Variants in REXO4 observed in about 807,000 individuals in gnomAD.
REXO4 encodes RNA exonuclease 4, also known as REX4 homolog, 3'-5' exonuclease.
Under a neutral mutation model 39.9 loss-of-function variants are expected in REXO4, and 29 were observed. The ratio of observed to expected loss-of-function variants is 0.73; its 90% CI spans 0.54 to 0.99. REXO4 has a LOEUF of 0.99. REXO4 is among the 50% of genes least tolerant of loss of function. The probability of loss-of-function intolerance (pLI) is 0.00; values close to 1 mark genes in which losing one functional copy is unlikely to be tolerated. For missense variants in REXO4, 524 were observed against 546.5 expected (o/e 0.96, Z 0.41); for synonymous variants, 184 against 206.2 (o/e 0.89, Z 0.92).
At position 133,412,773 on chromosome 9, in the gene REXO4, C is replaced by T. The variant is rs189210390; in HGVS notation, c.716+5G>A. ...AGCAGACCCCACTCCCTGAGACCAG[C>T]GTACCCGCCGAAGGCCTGCTCTTTC... On this transcript the variant is annotated splice_donor_5th_base_variant and intron_variant, in intron 3 of 7. Coordinates refer to ENST00000371942, the MANE Select transcript of REXO4 (RefSeq NM_020385.4). The T allele has an allele frequency of 1.7e-4, 273 of 1,609,992 alleles. No homozygotes were observed. In the African/African-American group the frequency reaches 2.8e-3, roughly 16 times the overall value.
intron 4 of REXO4, among the ~76,000 whole-genome samples, chr9:133,411,964 G>A (rs587714946): frequency 2.5e-4 from 38 of 152,096 alleles, no homozygotes; most frequent in South Asian, 1.0e-3. Context: ...ATGAGGTCTC[G>A]CTATGTTGTC....
Position 133,417,604 on chromosome 9 carries a change from C to A in REXO4, c.225+16G>T. The A allele has an allele frequency of 6.2e-7, 1 of 1,610,830 alleles. No individual in the cohort carries two copies. On this transcript the variant is annotated intron_variant, in intron 1 of 7. Transcript: ENST00000371942. ...TGAGCTGCGCAGCGCTCCGCCCGGG[C>A]CCCCTCAAGCCTCACCTCTTGCAGC...
intron 6 of REXO4, among the ~76,000 whole-genome samples, chr9:133,408,112 G>A (rs974034351): frequency 2.0e-5 from 3 of 152,118 alleles, no homozygotes; most frequent in Non-Finnish European, 4.4e-5. Context: ...GCCAGGGGAG[G>A]AGTCAGCATC....
At chr9:133,407,232 C>T (rs372227942) in intron 7 of REXO4, among the ~76,000 whole-genome samples, 160 bp from the exon 8 acceptor site, 1 of 152,128 alleles carries the variant, frequency 6.6e-6, no homozygotes, top group Non-Finnish European at 1.5e-5. Flanking sequence ...AGGGAGGACA[C>T]AAGAGAAGCA....
Position 133,406,591 on chromosome 9 carries a change from C to A in REXO4, c.*362G>T. 3.6e-6 allele frequency: 1 copy of A among 281,570 alleles called. No homozygotes were observed. The highest frequency in any genetic ancestry group is 7.0e-6 in the Non-Finnish European group (1 of 142,152). The allele number at this position is 281,570 out of a possible 1,614,324, so 17.4% of individuals were successfully genotyped here. On this transcript the variant is annotated 3_prime_UTR_variant, in exon 8 of 8. Coordinates refer to ENST00000371942, the MANE Select transcript of REXO4 (RefSeq NM_020385.4). Reference sequence around the variant, plus strand: ...TCCTCGAGAGGAAGGTGCTGAGCACCTCACCCCAGGGTGTCACCGAAGATG... The same window carrying A: ...TCCTCGAGAGGAAGGTGCTGAGCACATCACCCCAGGGTGTCACCGAAGATG...
chr9:133,414,717 T>G lies in REXO4; in HGVS notation c.520A>C (p.Ile174Leu). Reference sequence around the variant, plus strand: ...TTAGCTTTCCGCTTCTTATGCTCGATGTCCCCTCGTTCTGGAACAATATCA... The same window carrying G: ...TTAGCTTTCCGCTTCTTATGCTCGAGGTCCCCTCGTTCTGGAACAATATCA... ...NGDIVPERGD[I>L]EHKKRKAKEA... Residue 174 changes from isoleucine (I) to leucine (L), a missense_variant, in exon 2 of 8, where the codon ATC becomes CTC. Coordinates refer to ENST00000371942, the MANE Select transcript of REXO4 (RefSeq NM_020385.4). The G allele has an allele frequency of 6.2e-7, 1 of 1,614,180 alleles. No homozygotes were observed. The highest frequency in any genetic ancestry group is 8.5e-7 in the Non-Finnish European group (1 of 1,180,028).
intron 2 of REXO4, 88 bp downstream of exon 2, chr9:133,414,577 G>A (rs1554781058): frequency 1.1e-5 from 12 of 1,122,734 alleles, no homozygotes; most frequent in East Asian, 2.3e-5. Context: ...TGGAGAGACT[G>A]CGGTGAGGCC....
At chr9:133,408,934 TTGTGTGTG>T (rs71503345) in intron 5 of REXO4, 92 bp from the exon 6 acceptor site, 8,127 of 320,816 alleles carry the variant, frequency 0.025, 202 homozygotes, top group African/African-American at 0.1. Flanking sequence ...AGTAACATCT[TTGTGTGTG>T]TGTGTGTGTG....
Position 133,417,689 on chromosome 9 carries a change from G to T in REXO4, c.156C>A (p.Gly52=). ...AREVSKKPAS[G]PGAVVRPPKA... The stretch of plus-strand genomic sequence containing the variant: ...TTGGAGGTCGCACCACAGCACCGGG[G>T]CCGCTTGCTGGCTTCTTGCTTACTT... The change falls in exon 1 of 8, where the codon GGC becomes GGA. Residue 52 remains glycine, a synonymous_variant. Transcript: ENST00000371942. 6.2e-7 allele frequency: 1 copy of T among 1,614,126 alleles called. No homozygotes were observed.
Position 133,409,115 on chromosome 9 carries a change from G to A in REXO4, c.1000-273C>T, listed in dbSNP as rs368243908. On this transcript the variant is annotated intron_variant, in intron 5 of 7. Coordinates refer to ENST00000371942, the MANE Select transcript of REXO4 (RefSeq NM_020385.4). ...CGAGTAGCTGGGATTACAAGTGCCCGCCACCATGCCTGGCTAATTTTTGTA... is the reference window on the plus strand; with the variant it reads ...CGAGTAGCTGGGATTACAAGTGCCCACCACCATGCCTGGCTAATTTTTGTA... Among the ~76,000 whole-genome samples the A allele has an allele frequency of 1.5e-4, 23 of 152,158 alleles. No homozygotes were observed. In the East Asian group the frequency reaches 3.9e-3, roughly 26 times the overall value.
chr9:133,407,232 CAA>C (rs1554779096), intron 7 of REXO4, among the ~76,000 whole-genome samples, 160 bp from the exon 8 acceptor site: 2 of 152,246 alleles, frequency 1.3e-5, no homozygotes, highest in African/African-American at 2.4e-5. Context: ...AGGGAGGACA[CAA>C]GAGAAGCAGA....
At chr9:133,412,522 T>A in intron 3 of REXO4, 30 bp from the exon 4 acceptor site, 1 of 1,610,880 alleles carries the variant, frequency 6.2e-7, no homozygotes, top group Non-Finnish European at 8.5e-7. Context: ...TGTAGTTTAA[T>A]AAACACGGCA....
Position 133,409,697 on chromosome 9 carries a change from G to A in REXO4, c.1000-855C>T, listed in dbSNP as rs939192240. On this transcript the variant is annotated intron_variant, in intron 5 of 7. Transcript: ENST00000371942. ...CTACCCCAGTCTCCTGAGTAGCTGGGACAACAGGCACACGCCACCACACCT... is the reference window on the plus strand; with the variant it reads ...CTACCCCAGTCTCCTGAGTAGCTGGAACAACAGGCACACGCCACCACACCT... Among the ~76,000 whole-genome samples, 4 of 152,008 alleles carry A rather than the reference G, an allele frequency of 2.6e-5. 1 individual carries two copies. The highest frequency in any genetic ancestry group is 6.5e-5 in the Admixed American group (1 of 15,274).
rs1027495353 is a variant in REXO4 at position 133,414,912 on chromosome 9, CTT to C, written c.323_324del (p.Lys108ArgfsTer48). ...TCTCCCTTCACTTGAGGCGAGGTCT[CTT>C]TTTTGTTTTGCTGGATAATTTTGGG... Reference protein sequence around the residue: ...KKPKIIQQNKKETSPQVKGEE... With the variant: ...KKPKIIQQNKXETSPQVKGEE... On this transcript the variant is annotated frameshift_variant, in exon 2 of 8. Coordinates refer to ENST00000371942, the MANE Select transcript of REXO4 (RefSeq NM_020385.4). LOFTEE classifies it high-confidence loss of function. 2 of 1,613,916 alleles carry C rather than the reference CTT, an allele frequency of 1.2e-6. No individual in the cohort carries two copies. The highest frequency in any genetic ancestry group is 2.7e-5 in the African/African-American group (2 of 74,872).
At chr9:133,408,666 C>A in intron 6 of REXO4, 102 bp downstream of exon 6, 1 of 788,194 alleles carries the variant, frequency 1.3e-6, no homozygotes, top group Non-Finnish European at 2.1e-6. Context: ...AAAGAAAAAA[C>A]AAAAACCCTT....
chr9:133,409,866 A>G (rs1233023344), intron 5 of REXO4, among the ~76,000 whole-genome samples: 2 of 152,170 alleles, frequency 1.3e-5, no homozygotes, highest in African/African-American at 4.8e-5. Flanking sequence ...TCTGGTCCTT[A>G]GCATCATCTT....
At chr9:133,408,677 TAACC>T (rs1839043687) in intron 6 of REXO4, 87 bp downstream of exon 6, 1 of 867,574 alleles carries the variant, frequency 1.2e-6, no homozygotes, top group Admixed American at 2.3e-5. Flanking sequence ...AAAAACCCTT[TAACC>T]AACAAGTCAG....
intron 7 of REXO4, 77 bp downstream of exon 7, chr9:133,407,730 G>T: frequency 1.7e-6 from 2 of 1,155,662 alleles, no homozygotes; most frequent in Non-Finnish European, 2.5e-6. Context: ...CCCCATGTCT[G>T]TGTCAGGTGA....
At chr9:133,415,919 C>T (rs1554781468) in intron 1 of REXO4, 1 of 152,244 alleles carries the variant, frequency 6.6e-6, no homozygotes, top group African/African-American at 2.4e-5. Flanking sequence ...TCAAGAAGCG[C>T]TCGGGGAGGC....
Sources: gnomAD v4.1 joint callset for allele counts (sites outside exome capture counted in the v4.1 genomes callset) on GRCh38, gnomAD v4.1.1 for gene constraint, MANE v1.5 for transcripts, NCBI Gene and HGNC (gene_info 2026-07-23, HGNC 2026-07-21) for gene names.